The following CCSER1 variants were observed in gnomAD, a reference collection of about 807,000 sequenced individuals.
CCSER1 encodes coiled-coil serine rich protein 1.
CCSER1 carries 41 observed loss-of-function variants against 82.0 expected under a neutral mutation model. The observed-to-expected ratio is 0.50, with a 90% CI of 0.39 to 0.65. CCSER1 has a LOEUF of 0.65. Among genes scored for constraint, CCSER1 ranks in the 30% least tolerant of loss-of-function variants. The pLI is 0.00. For synonymous variants in CCSER1, 414 were observed against 383.9 expected, an observed-to-expected ratio of 1.08 and a Z score of -0.92; for missense variants, 1,119 against 1,064.2, an observed-to-expected ratio of 1.05 and a Z score of -0.72.
At chr4:90,291,610 C>A (rs2153466303) in intron 1 of CCSER1, among the ~76,000 whole-genome samples, 1 of 152,048 alleles carries the variant, frequency 6.6e-6, no homozygotes, top group South Asian at 2.1e-4. Flanking sequence ...AGACAATTTA[C>A]TGAATTTATT....
chr4:90,571,858 A>C (rs1339364738), intron 5 of CCSER1, among the ~76,000 whole-genome samples: 3 of 152,152 alleles, frequency 2.0e-5, no homozygotes. Context: ...AATTATTGTA[A>C]CTATTATTTT....
At chr4:90,603,704 C>T (rs1025162008) in intron 5 of CCSER1, among the ~76,000 whole-genome samples, 23 of 152,128 alleles carry the variant, frequency 1.5e-4, no homozygotes, top group African/African-American at 5.6e-4. Context: ...TGCCTAGAAA[C>T]GTAATGGCTC....
chr4:90,846,066 C>T (rs1170401989), intron 8 of CCSER1, among the ~76,000 whole-genome samples: 1 of 152,128 alleles, frequency 6.6e-6, no homozygotes, highest in Non-Finnish European at 1.5e-5. Flanking sequence ...TATTCTATAA[C>T]AAACTGAAGG....
chr4:90,525,138 A>G (rs1773596662), intron 5 of CCSER1, among the ~76,000 whole-genome samples: 1 of 152,070 alleles, frequency 6.6e-6, no homozygotes, highest in Non-Finnish European at 1.5e-5. Context: ...AGCAAATCTC[A>G]TCAGAGGCAA....
rs377075343 is a variant in CCSER1 at position 90,203,934 on chromosome 4, A to G, written c.-42+76103A>G. On this transcript the variant is annotated intron_variant, in intron 1 of 10. Transcript: ENST00000509176. Reference sequence around the variant, plus strand: ...TTGTGGTTTTGATTTGCATTTCTCTAATTACCAGGGATTATGAGCTTTTTT... The same window carrying G: ...TTGTGGTTTTGATTTGCATTTCTCTGATTACCAGGGATTATGAGCTTTTTT... Among the ~76,000 whole-genome samples, 6 of 152,042 alleles carry G rather than the reference A, an allele frequency of 3.9e-5. No homozygotes were observed. The East Asian group carries it at 1.2e-3, about 29-fold the overall frequency.
At chr4:91,036,439 A>G (rs1378089846) in intron 9 of CCSER1, among the ~76,000 whole-genome samples, 1 of 152,140 alleles carries the variant, frequency 6.6e-6, no homozygotes, top group African/African-American at 2.4e-5. Flanking sequence ...CAATGTGTCC[A>G]AAGTAGAACT....
chr4:90,853,099 C>CA lies in CCSER1; in HGVS notation c.2094+37263dup, dbSNP rs201413737. ...ATCAAAACAACAGCAAGAACAACCA[C>CA]AAAAAAAAACAAAAACAAACATATA... On this transcript the variant is annotated intron_variant, in intron 8 of 10. Coordinates refer to ENST00000509176, the MANE Select transcript of CCSER1 (RefSeq NM_001145065.2). Among the ~76,000 whole-genome samples, 428 of 149,346 alleles carry CA rather than the reference C, an allele frequency of 2.9e-3. 1 individual carries two copies. The highest frequency in any genetic ancestry group is 9.0e-3 in the African/African-American group (365 of 40,778).
chr4:91,520,660 G>A (rs1760409968), intron 10 of CCSER1, among the ~76,000 whole-genome samples: 1 of 152,088 alleles, frequency 6.6e-6, no homozygotes, highest in Admixed American at 6.5e-5. Flanking sequence ...TCTGATGTCT[G>A]TTTTTTCAGC....
intron 10 of CCSER1, among the ~76,000 whole-genome samples, chr4:91,407,078 A>G (rs978762405): frequency 2.1e-4 from 32 of 152,042 alleles, no homozygotes; most frequent in African/African-American, 7.7e-4. Flanking sequence ...CTGCACACCT[A>G]TTGAGTTTTC....
chr4:90,943,677 C>T (rs111314698), intron 9 of CCSER1, among the ~76,000 whole-genome samples: 2,280 of 150,812 alleles, frequency 0.015, 56 homozygotes, highest in African/African-American at 0.052. Context: ...ATCCTCCTGC[C>T]TCAGCCTCCC....
intron 7 of CCSER1, among the ~76,000 whole-genome samples, chr4:90,763,880 G>C (rs1299431885): frequency 6.6e-6 from 1 of 151,996 alleles, no homozygotes; most frequent in Non-Finnish European, 1.5e-5. Flanking sequence ...TCATTTCCTG[G>C]TCATCCATTT....
At chr4:90,541,619 T>C (rs771499620) in intron 5 of CCSER1, among the ~76,000 whole-genome samples, 3 of 152,104 alleles carry the variant, frequency 2.0e-5, no homozygotes, top group Non-Finnish European at 4.4e-5. Context: ...TGTTAGCTGC[T>C]ATGTATAAAT....
At chr4:90,369,404 A>G (rs1746959068) in intron 3 of CCSER1, among the ~76,000 whole-genome samples, 1 of 150,188 alleles carries the variant, frequency 6.7e-6, no homozygotes, top group Non-Finnish European at 1.5e-5. Flanking sequence ...GAAAGGGAAG[A>G]AAAAGAACAT....
chr4:90,495,359 T>C (rs559633023), intron 5 of CCSER1, among the ~76,000 whole-genome samples: 2 of 152,302 alleles, frequency 1.3e-5, no homozygotes, highest in South Asian at 4.1e-4. Flanking sequence ...CCATTGTTAA[T>C]GGACAGCTTG....
intron 10 of CCSER1, among the ~76,000 whole-genome samples, chr4:91,525,183 G>A (rs1760711417): frequency 1.3e-5 from 2 of 152,048 alleles, no homozygotes; most frequent in African/African-American, 2.4e-5. Flanking sequence ...ATATACAGGA[G>A]AGTATATAAA....
intron 6 of CCSER1, among the ~76,000 whole-genome samples, chr4:90,665,515 G>T (rs1334094693): frequency 2.0e-5 from 3 of 151,890 alleles, no homozygotes; most frequent in Non-Finnish European, 4.4e-5. Flanking sequence ...TAGAGATGAG[G>T]TTTCACTGTG....
At chr4:90,582,492 G>A (rs916899976) in intron 5 of CCSER1, among the ~76,000 whole-genome samples, 1 of 152,092 alleles carries the variant, frequency 6.6e-6, no homozygotes, top group African/African-American at 2.4e-5. Context: ...TTAGTACAAA[G>A]CAAATTAAAT....
chr4:91,152,364 G>A (rs765978998), intron 10 of CCSER1, among the ~76,000 whole-genome samples: 2 of 152,194 alleles, frequency 1.3e-5, no homozygotes, highest in Admixed American at 1.3e-4. Flanking sequence ...GAGCCTATGT[G>A]TGTCTCTGCA....
At chr4:90,742,319 G>A (rs1346086510) in intron 7 of CCSER1, among the ~76,000 whole-genome samples, 1 of 152,104 alleles carries the variant, frequency 6.6e-6, no homozygotes, top group Non-Finnish European at 1.5e-5. Flanking sequence ...AATTTTAGAG[G>A]TTGAATCATA....
Sources: gnomAD v4.1 joint callset for allele counts (sites outside exome capture counted in the v4.1 genomes callset) on GRCh38, gnomAD v4.1.1 for gene constraint, MANE v1.5 for transcripts, NCBI Gene and HGNC (gene_info 2026-07-23, HGNC 2026-07-21) for gene names.